XRRA1: variants seen among roughly 807,000 people sequenced by gnomAD.
XRRA1 encodes the protein X-ray radiation resistance-associated protein 1.
A neutral mutation model predicts 80.2 loss-of-function variants in XRRA1; 69 were observed. The ratio of observed to expected loss-of-function variants is 0.86; its 90% CI spans 0.71 to 1.05. The LOEUF (loss-of-function observed/expected upper bound fraction) is 1.05, where lower values mean the gene tolerates loss of function less well. Ranked by LOEUF, XRRA1 falls within the 50% of genes least tolerant of loss-of-function variation. The pLI is 0.00. For missense variants in XRRA1, 967 were observed against 976.4 expected, an observed-to-expected ratio of 0.99 and a Z score of 0.13; for synonymous variants, 348 against 389.9, an observed-to-expected ratio of 0.89 and a Z score of 1.27.
chr11:74,843,576 G>A, intron 18 of XRRA1, 123 bp from the exon 19 acceptor site: 1 of 1,347,512 alleles, frequency 7.4e-7, no homozygotes, highest in Non-Finnish European at 1.0e-6. Flanking sequence ...ATGCTAAGGG[G>A]CTAAAAATGG....
chr11:74,843,762 G>T, intron 18 of XRRA1, 92 bp downstream of exon 18: 1 of 1,174,692 alleles, frequency 8.5e-7, no homozygotes, highest in Non-Finnish European at 1.2e-6. Flanking sequence ...CTCTCTAAGG[G>T]CCTTTCCTGC....
chr11:74,843,496 T>C, intron 18 of XRRA1, 43 bp from the exon 19 acceptor site: 1 of 1,588,740 alleles, frequency 6.3e-7, no homozygotes, highest in African/African-American at 1.3e-5. Context: ...CTCATCCTGG[T>C]TCTCACCTAG....
intron 10 of XRRA1, among the ~76,000 whole-genome samples, chr11:74,872,596 TAGA>T (rs1222189264): frequency 5.3e-5 from 8 of 152,128 alleles, no homozygotes; most frequent in Admixed American, 2.0e-4. Context: ...AGGCAGCAAG[TAGA>T]AGCCACCCCA....
chr11:74,899,830 G>A (rs1467173754), intron 10 of XRRA1, among the ~76,000 whole-genome samples: 1 of 152,076 alleles, frequency 6.6e-6, no homozygotes. Context: ...AACATTTAAA[G>A]AACTAATACC....
rs1941647478 is a variant in XRRA1, at chr11:74,924,215, C to T, written c.523-2868G>A. On this transcript the variant is annotated intron_variant, in intron 7 of 18. Transcript: ENST00000684022. The stretch of plus-strand genomic sequence containing the variant: ...AGTGGGCCGGGCGCGGTGGCTCACG[C>T]CTGTAATCCCAGCACTTTGGGAGGC... Among the ~76,000 whole-genome samples the T allele has an allele frequency of 2.0e-5, 3 of 151,262 alleles. No homozygotes were observed. The South Asian group carries it at 6.3e-4, about 32-fold the overall frequency.
At chr11:74,896,035 C>T (rs1031838977) in intron 10 of XRRA1, among the ~76,000 whole-genome samples, 1 of 152,226 alleles carries the variant, frequency 6.6e-6, no homozygotes, top group Admixed American at 6.5e-5. Context: ...TGAGGGAGTA[C>T]ACTATGGGCC....
intron 7 of XRRA1, among the ~76,000 whole-genome samples, chr11:74,923,291 T>TGGCTTGATAGGACTAGCCAA (rs1941381643): frequency 6.6e-6 from 1 of 152,170 alleles, no homozygotes; most frequent in African/African-American, 2.4e-5. Context: ...GCATAAGAAA[T>TGGCTTGATAGGACTAGCCAA]GGCTTGATAG....
chr11:74,894,961 A>G (rs560825518), intron 10 of XRRA1, among the ~76,000 whole-genome samples: 3 of 152,320 alleles, frequency 2.0e-5, no homozygotes, highest in African/African-American at 7.2e-5. Flanking sequence ...AGAAAAGTGC[A>G]CATTAAAACA....
intron 10 of XRRA1, among the ~76,000 whole-genome samples, chr11:74,883,305 T>G (rs532223292): frequency 1.3e-5 from 2 of 152,020 alleles, no homozygotes; most frequent in African/African-American, 4.8e-5. Context: ...TTTCTTTGAC[T>G]CAGGAAGGGA....
At chr11:74,859,796 G>A (rs1284341374) in intron 11 of XRRA1, among the ~76,000 whole-genome samples, 1 of 152,114 alleles carries the variant, frequency 6.6e-6, no homozygotes. Context: ...CTTCATTTGA[G>A]GATGAAACAA....
chr11:74,899,034 A>T (rs148839779), intron 10 of XRRA1, among the ~76,000 whole-genome samples: 1,790 of 152,248 alleles, frequency 0.012, 33 homozygotes, highest in African/African-American at 0.035. Context: ...AAACATTTTT[A>T]AAAAATCTTG....
rs184984406 is a variant in XRRA1 at position 74,939,108 on chromosome 11, T to C, written c.94+1677A>G. ...GGCTCATGCCTGTAATCCTAGCACT[T>C]TGGGAGGCTGAGGCGGGTGGATCAC... is the stretch of plus-strand genomic sequence containing the variant. On this transcript the variant is annotated intron_variant, in intron 3 of 18. Transcript: ENST00000684022. Among the ~76,000 whole-genome samples, 330 of 152,272 alleles carry C rather than the reference T, an allele frequency of 2.2e-3. 1 individual carries two copies. The highest frequency in any genetic ancestry group is 4.0e-3 in the Non-Finnish European group (271 of 68,014).
At chr11:74,936,659 A>G (rs796908867) in intron 4 of XRRA1, among the ~76,000 whole-genome samples, 45 of 152,358 alleles carry the variant, frequency 3.0e-4, no homozygotes, top group African/African-American at 1.1e-3. Context: ...GCAACAACAC[A>G]AAAGGGACGA....
At chr11:74,944,257 T>C (rs1947030298) in intron 2 of XRRA1, among the ~76,000 whole-genome samples, 1 of 152,134 alleles carries the variant, frequency 6.6e-6, no homozygotes, top group Non-Finnish European at 1.5e-5. Flanking sequence ...CTTCCACCAT[T>C]GGGACTTAGC....
intron 10 of XRRA1, among the ~76,000 whole-genome samples, chr11:74,880,350 CT>C (rs1278476477): frequency 6.6e-6 from 1 of 152,098 alleles, no homozygotes; most frequent in African/African-American, 2.4e-5. Flanking sequence ...TTCGATTCTT[CT>C]TTTTTTCTTT....
intron 4 of XRRA1, among the ~76,000 whole-genome samples, chr11:74,935,097 A>T (rs769065279): frequency 6.6e-6 from 1 of 152,366 alleles, no homozygotes; most frequent in East Asian, 1.9e-4. Context: ...CTGTTCGGGC[A>T]TGTTATATAG....
chr11:74,864,215 A>C (rs1358531429), intron 10 of XRRA1: 5 of 152,222 alleles, frequency 3.3e-5, no homozygotes, highest in Non-Finnish European at 5.9e-5. Context: ...ATTGTTGTGG[A>C]AGCAAAGCTA....
At chr11:74,888,834 TGAAGC>T (rs1227223360) in intron 10 of XRRA1, among the ~76,000 whole-genome samples, 1 of 151,720 alleles carries the variant, frequency 6.6e-6, no homozygotes, top group Non-Finnish European at 1.5e-5. Context: ...ATGAATGAAA[TGAAGC>T]GAGAAGAGAA....
intron 1 of XRRA1, among the ~76,000 whole-genome samples, chr11:74,946,464 CTT>C (rs1208329371): frequency 6.6e-6 from 1 of 152,210 alleles, no homozygotes; most frequent in Non-Finnish European, 1.5e-5. Flanking sequence ...CCTTCACACT[CTT>C]GCCCTCTCTT....
Sources: allele counts gnomAD v4.1 joint callset (sites outside exome capture counted in the v4.1 genomes callset), GRCh38; gene constraint gnomAD v4.1.1; transcripts MANE v1.5; gene names NCBI Gene and HGNC (gene_info 2026-07-23, HGNC 2026-07-21).